Variants in GALC observed in about 807,000 individuals in gnomAD.
The protein encoded by GALC is galactosylceramidase.
GALC carries 77 observed loss-of-function variants against 91.8 expected under a neutral mutation model. The observed-to-expected ratio is 0.84, with a 90% CI of 0.70 to 1.01. The LOEUF (loss-of-function observed/expected upper bound fraction) is 1.01. Among genes scored for constraint, GALC ranks in the 50% least tolerant of loss-of-function variants. The probability of loss-of-function intolerance (pLI) is 0.00; values close to 1 mark genes in which losing one functional copy is unlikely to be tolerated. For synonymous variants in GALC, 357 were observed against 306.7 expected, an observed-to-expected ratio of 1.16 and a Z score of -1.71; for missense variants, 882 against 855.9, an observed-to-expected ratio of 1.03 and a Z score of -0.38.
intron 3 of GALC, chr14:87,986,898 A>T (rs1345448662): frequency 9.2e-6 from 4 of 433,278 alleles, no homozygotes; most frequent in Non-Finnish European, 1.7e-5. Context: ...AATTCCCAGT[A>T]TTCATGCTTC....
At chr14:87,984,306 T>C in intron 5 of GALC, 88 bp downstream of exon 5, 1 of 1,308,778 alleles carries the variant, frequency 7.6e-7, no homozygotes, top group South Asian at 1.4e-5. Flanking sequence ...CATAAAATGG[T>C]TAGTCAAAAA....
rs762172800 is a variant in GALC, at chr14:87,968,524, A to C, written c.753-34T>G. 6 of 1,607,636 alleles carry C rather than the reference A, an allele frequency of 3.7e-6. No homozygotes were observed. The Admixed American group carries it at 8.3e-5, about 22-fold the overall frequency. On this transcript the variant is annotated intron_variant, in intron 7 of 16. Transcript: ENST00000261304. ...AAAAAGGGTGGAAGTCAATGAAAAA[A>C]GGTCACGACGTGGCACTTATATACG...
intron 3 of GALC, 48 bp downstream of exon 3, chr14:87,988,096 T>C: frequency 1.5e-6 from 2 of 1,376,176 alleles, no homozygotes; most frequent in Non-Finnish European, 2.1e-6. Flanking sequence ...TGCTGAGGTA[T>C]AGATTAAAAT....
At chr14:87,958,405 C>G (rs1388989364) in intron 10 of GALC, among the ~76,000 whole-genome samples, 18 of 151,960 alleles carry the variant, frequency 1.2e-4, no homozygotes. Context: ...ATTGTTAACA[C>G]AGCCATATTA....
At chr14:87,967,815 G>T (rs1044610885) in intron 8 of GALC, among the ~76,000 whole-genome samples, 16 of 152,112 alleles carry the variant, frequency 1.1e-4, no homozygotes, top group African/African-American at 3.9e-4. Context: ...GACTTGAGGG[G>T]TGTAACTTTT....
At chr14:87,959,291 G>A (rs1885696818) in intron 10 of GALC, among the ~76,000 whole-genome samples, 1 of 152,096 alleles carries the variant, frequency 6.6e-6, no homozygotes, top group Admixed American at 6.6e-5. Flanking sequence ...CCTCTACTTA[G>A]AATGGCTATT....
chr14:87,993,017 C>A lies in GALC; in HGVS notation c.148G>T (p.Gly50Trp). ...ATGCCGTCGAACTCCCGGCCCAGCC[C>A]GTCGGAGTCGTCGAGCACGTACGCG... ...GGAYVLDDSD[G>W]LGREFDGIGA... Residue 50 changes from glycine to tryptophan, a missense_variant, in exon 1 of 17, where the codon GGG becomes TGG. Coordinates refer to ENST00000261304, the MANE Select transcript of GALC (RefSeq NM_000153.4). 1 of 1,545,046 alleles carries A rather than the reference C, an allele frequency of 6.5e-7. No homozygotes were observed. The highest frequency in any genetic ancestry group is 2.5e-5 in the East Asian group (1 of 39,968).
At chr14:87,964,341 A>C (rs1158421736) in intron 9 of GALC, among the ~76,000 whole-genome samples, 1 of 152,148 alleles carries the variant, frequency 6.6e-6, no homozygotes, top group Non-Finnish European at 1.5e-5. Flanking sequence ...GTTTAAAATA[A>C]AAACAAATTC....
chr14:87,979,818 G>C (rs2140023579), intron 6 of GALC, among the ~76,000 whole-genome samples: 1 of 152,260 alleles, frequency 6.6e-6, no homozygotes, highest in South Asian at 2.1e-4. Context: ...GAGTTATCCA[G>C]TATACATGCA....
At chr14:87,964,492 T>C (rs1358028954) in intron 9 of GALC, among the ~76,000 whole-genome samples, 2 of 152,144 alleles carry the variant, frequency 1.3e-5, no homozygotes, top group African/African-American at 2.4e-5. Context: ...AGTTTCAACA[T>C]TATTCAGCAA....
intron 1 of GALC, chr14:87,992,182 G>A: frequency 3.0e-6 from 3 of 1,015,402 alleles, no homozygotes; most frequent in South Asian, 1.4e-5. Flanking sequence ...TGAGTTGAAT[G>A]TAAGGATGCA....
At chr14:87,939,421 C>A (rs1354129092) in intron 16 of GALC, among the ~76,000 whole-genome samples, 1 of 151,806 alleles carries the variant, frequency 6.6e-6, no homozygotes, top group Non-Finnish European at 1.5e-5. Context: ...CAGTGATTCT[C>A]AGGAACATTT....
At chr14:87,969,651 T>C (rs1275000641) in intron 7 of GALC, among the ~76,000 whole-genome samples, 1 of 152,188 alleles carries the variant, frequency 6.6e-6, no homozygotes, top group African/African-American at 2.4e-5. Context: ...ATATCATAAT[T>C]CTAATCTTTG....
At chr14:87,966,197 T>C (rs1886046761) in intron 8 of GALC, among the ~76,000 whole-genome samples, 1 of 152,178 alleles carries the variant, frequency 6.6e-6, no homozygotes, top group Admixed American at 6.6e-5. Context: ...AATGTACTAA[T>C]GCATAGGAAG....
Position 87,947,800 on chromosome 14 carries a change from G to A in GALC, c.1417C>T (p.Arg473Cys), listed in dbSNP as rs369347167. Reference protein sequence around the residue: ...LFTLTTLTTGRKGSYPLPPKS... With the variant: ...LFTLTTLTTGCKGSYPLPPKS... ...GGAGGAAGCGGGTAGCTGCCTTTGC[G>A]ACCAGTGGTGAGAGTGGTGAGTGTG... The change falls in exon 13 of 17, where the codon CGC (arginine) becomes TGC (cysteine). Residue 473 changes from arginine (R) to cysteine (C), a missense_variant. Arg to Cys is a radical substitution (Grantham distance 180). Transcript: ENST00000261304. 1.6e-5 allele frequency: 26 copies of A among 1,612,676 alleles called. No homozygotes were observed. The highest frequency in any genetic ancestry group is 8.8e-5 in the South Asian group (8 of 91,062).
chr14:87,986,712 C>T (rs1886991524), intron 3 of GALC, 110 bp from the exon 4 acceptor site: 1 of 711,186 alleles, frequency 1.4e-6, no homozygotes, highest in Non-Finnish European at 2.6e-6. Flanking sequence ...AGCAGTATTC[C>T]AGTTCTAATC....
intron 10 of GALC, chr14:87,953,708 C>T: frequency 1.9e-6 from 3 of 1,608,080 alleles, no homozygotes; most frequent in Non-Finnish European, 2.5e-6. Flanking sequence ...AAGTTGATTT[C>T]TAATGCAGGA....
Position 87,979,848 on chromosome 14 carries a change from G to T in GALC, c.621+2357C>A, listed in dbSNP as rs186033962. Among the ~76,000 whole-genome samples the T allele has an allele frequency of 5.3e-5, 8 of 152,086 alleles. No homozygotes were observed. In the South Asian group the frequency reaches 6.2e-4, roughly 12 times the overall value. The stretch of plus-strand genomic sequence containing the variant: ...CATGCACCAACTTGGCTTCTGCTCT[G>T]TCCCCTTACTGCTCTTATCAGACCT... On this transcript the variant is annotated intron_variant, in intron 6 of 16. Coordinates refer to ENST00000261304, the MANE Select transcript of GALC (RefSeq NM_000153.4).
Position 87,934,772 on chromosome 14 carries a change from A to G in GALC, c.2018T>C (p.Phe673Ser). The change falls in exon 17 of 17, where the codon TTT (phenylalanine) becomes TCT (serine). Residue 673 changes from phenylalanine to serine, a missense_variant. Phe to Ser is a radical substitution (Grantham distance 155). Coordinates refer to ENST00000261304, the MANE Select transcript of GALC (RefSeq NM_000153.4). The stretch of plus-strand genomic sequence containing the variant: ...CACAAGAAAGTTGTCAAACTGTGCA[A>G]ATTCAAAGGAGTGAGTTCCAATTGC... ...WAAIGTHSFEFAQFDNFLVEA... is the reference protein window; with the variant it reads ...WAAIGTHSFESAQFDNFLVEA... 2 of 1,613,254 alleles carry G rather than the reference A, an allele frequency of 1.2e-6. No individual in the cohort carries two copies. The highest frequency in any genetic ancestry group is 2.2e-5 in the South Asian group (2 of 91,070).
Sources: gnomAD v4.1 joint callset for allele counts (sites outside exome capture counted in the v4.1 genomes callset) on GRCh38, gnomAD v4.1.1 for gene constraint, MANE v1.5 for transcripts, NCBI Gene and HGNC (gene_info 2026-07-23, HGNC 2026-07-21) for gene names.